Variants in CLCC1 observed in about 807,000 individuals in gnomAD.
The protein encoded by CLCC1 is chloride channel CLIC like 1.
CLCC1 carries 39 observed loss-of-function variants against 63.3 expected under a neutral mutation model. That is an observed-to-expected ratio of 0.62 (90% CI 0.48 to 0.81). CLCC1 has a LOEUF of 0.81. Ranked by LOEUF, CLCC1 falls within the 30% of genes least tolerant of loss-of-function variation. The pLI is 0.00. For synonymous variants in CLCC1, 217 were observed against 239.8 expected (o/e 0.90, Z 0.88); for missense variants, 549 against 669.4 (o/e 0.82, Z 1.98).
At chr1:108,949,561 A>T (rs1654941670) in intron 4 of CLCC1, among the ~76,000 whole-genome samples, 1 of 152,218 alleles carries the variant, frequency 6.6e-6, no homozygotes, top group Non-Finnish European at 1.5e-5. Context: ...TTGCACCAAG[A>T]AGTCTGCAGT....
intron 11 of CLCC1, among the ~76,000 whole-genome samples, chr1:108,935,301 GAACAAAATACATAA>G (rs1283086638): frequency 6.6e-6 from 1 of 152,166 alleles, no homozygotes. Flanking sequence ...GATACAGCAG[GAACAAAATACATAA>G]AACTGTTCTC....
chr1:108,936,250 AC>A (rs1410883069), intron 11 of CLCC1, among the ~76,000 whole-genome samples: 1 of 151,892 alleles, frequency 6.6e-6, no homozygotes, highest in Non-Finnish European at 1.5e-5. Flanking sequence ...ATACCACATC[AC>A]GCCTGGCTAA....
At chr1:108,943,669 A>G in intron 6 of CLCC1, 54 bp from the exon 7 acceptor site, 1 of 1,600,220 alleles carries the variant, frequency 6.2e-7, no homozygotes, top group Non-Finnish European at 8.5e-7. Context: ...AGACAGCTAA[A>G]AAGAACTGGA....
At chr1:108,962,547 T>G (rs1011503077) in intron 1 of CLCC1, 78 bp from the exon 2 acceptor site, 3 of 152,152 alleles carry the variant, frequency 2.0e-5, no homozygotes, top group Non-Finnish European at 4.4e-5. Flanking sequence ...AACCTACAGC[T>G]TATGGTGTGT....
At chr1:108,959,618 T>C (rs1467169298) in intron 2 of CLCC1, among the ~76,000 whole-genome samples, 2 of 152,232 alleles carry the variant, frequency 1.3e-5, no homozygotes, top group Admixed American at 6.5e-5. Context: ...AGCAGAGGAA[T>C]AGATGTATAG....
At position 108,944,015 on chromosome 1, in the gene CLCC1, T is replaced by C. The variant is rs2101656209; in HGVS notation, c.382A>G (p.Ile128Val). 7.4e-6 allele frequency: 12 copies of C among 1,613,014 alleles called. No individual in the cohort carries two copies. Among genetic ancestry groups the C allele is most frequent in the Non-Finnish European group, 9.3e-6 (11 of 1,179,718 alleles). Residue 128 changes from isoleucine (I) to valine (V), a missense_variant, in exon 6 of 13, where the codon ATC becomes GTC. Ile to Val is a conservative substitution (Grantham distance 29). Coordinates refer to ENST00000369969, the MANE Select transcript of CLCC1 (RefSeq NM_001377458.1). ...TCTAACAAAGTTTCTCTTTTAAGGATAATCTCAGCATCATAATGCATATCG... is the reference window on the plus strand; with the variant it reads ...TCTAACAAAGTTTCTCTTTTAAGGACAATCTCAGCATCATAATGCATATCG... ...KGDMHYDAEI[I>V]LKRETLLEIQ...
At position 108,963,288 on chromosome 1, in the gene CLCC1, T is replaced by C. The variant is rs1048495045; in HGVS notation, c.-173+73A>G. 9.5e-5 allele frequency: 64 copies of C among 675,212 alleles called. No homozygotes were observed. In the Admixed American group the frequency reaches 1.3e-3, roughly 14 times the overall value. The allele number at this position is 675,212 out of a possible 1,614,324, so 41.8% of individuals were successfully genotyped here. A position where few individuals can be genotyped will look rare whatever the true frequency, so the allele number is the denominator to read the frequency against. On this transcript the variant is annotated intron_variant, in intron 1 of 12. Transcript: ENST00000369969. Reference sequence around the variant, plus strand: ...CCCAGCGTCTGCGCCGCGAGTCCGCTGGACCCGCCAGGGCGTAACGGCGGG... The same window carrying C: ...CCCAGCGTCTGCGCCGCGAGTCCGCCGGACCCGCCAGGGCGTAACGGCGGG...
chr1:108,954,198 T>A lies in CLCC1; in HGVS notation c.-11-3750A>T, dbSNP rs933158909. Among the ~76,000 whole-genome samples, 14 of 150,508 alleles carry A rather than the reference T, an allele frequency of 9.3e-5. No individual in the cohort carries two copies. The East Asian group carries it at 2.8e-3, about 30-fold the overall frequency. On this transcript the variant is annotated intron_variant, in intron 2 of 12. Transcript: ENST00000369969. ...GTGAGAGGTAGAGGTGGGTGGGTGG[T>A]GATGACACTGCTGAGGAAAAAAGCT...
At chr1:108,951,051 T>C (rs970793436) in intron 2 of CLCC1, among the ~76,000 whole-genome samples, 3 of 152,126 alleles carry the variant, frequency 2.0e-5, no homozygotes, top group African/African-American at 7.2e-5. Flanking sequence ...ACACAAAAAC[T>C]TGTACATGAA....
At chr1:108,941,146 T>C (rs556988187) in intron 8 of CLCC1, among the ~76,000 whole-genome samples, 3 of 152,282 alleles carry the variant, frequency 2.0e-5, no homozygotes, top group Non-Finnish European at 4.4e-5. Context: ...AAAGCGAGCA[T>C]AGGATCCTTC....
Position 108,950,374 on chromosome 1 carries a change from C to G in CLCC1, c.64G>C (p.Asp22His). The G allele has an allele frequency of 6.2e-7, 1 of 1,613,132 alleles. No individual in the cohort carries two copies. Among genetic ancestry groups the G allele is most frequent in the Non-Finnish European group, 8.5e-7 (1 of 1,179,428 alleles). Residue 22 changes from aspartate (D) to histidine (H), a missense_variant, in exon 3 of 13, where the codon GAC becomes CAC. Asp to His is a moderately conservative substitution (Grantham distance 81). Coordinates refer to ENST00000369969, the MANE Select transcript of CLCC1 (RefSeq NM_001377458.1). Reference sequence around the variant, plus strand: ...AGCATGTCTGTGGGGTCAATCCAGTCATCATCATGAGCATAACCAGCTACC... The same window carrying G: ...AGCATGTCTGTGGGGTCAATCCAGTGATCATCATGAGCATAACCAGCTACC... ...LLVAGYAHDD[D>H]WIDPTDMLNY...
Position 108,937,132 on chromosome 1 carries a change from C to T in CLCC1, c.1328G>A (p.Arg443Gln), listed in dbSNP as rs758737739. ...QTGNKSPEVL[R>Q]AFDVPDAEAR... ...CTCTGCGTCTGGTACATCAAATGCC[C>T]GGAGCACTTCAGGGCTCTTGTTGCC... The change falls in exon 11 of 13, where the codon CGG becomes CAG. Residue 443 changes from arginine to glutamine, a missense_variant. Coordinates refer to ENST00000369969, the MANE Select transcript of CLCC1 (RefSeq NM_001377458.1). 2.1e-5 allele frequency: 32 copies of T among 1,541,986 alleles called. No homozygotes were observed. Among genetic ancestry groups the T allele is most frequent in the Admixed American group, 1.0e-4 (5 of 49,100 alleles).
At position 108,937,373 on chromosome 1, in the gene CLCC1, T is replaced by C. The variant is rs755798180; in HGVS notation, c.1087A>G (p.Ile363Val). Reference sequence around the variant, plus strand: ...GGAGGTTCGCTCTCAGGACCGCCTATATGTCTCAGCACATGAACTGATTTT... The same window carrying C: ...GGAGGTTCGCTCTCAGGACCGCCTACATGTCTCAGCACATGAACTGATTTT... ...AGKSVHVLRH[I>V]GGPESEPPQA... Residue 363 changes from isoleucine (I) to valine (V), a missense_variant, in exon 11 of 13, where the codon ATA (isoleucine) becomes GTA (valine). Physicochemically the swap from Ile to Val is conservative, Grantham distance 29 (BLOSUM62 3). Coordinates refer to ENST00000369969, the MANE Select transcript of CLCC1 (RefSeq NM_001377458.1). 3.7e-6 allele frequency: 6 copies of C among 1,613,622 alleles called. No individual in the cohort carries two copies. The African/African-American group carries it at 5.3e-5, about 14-fold the overall frequency.
intron 9 of CLCC1, 27 bp from the exon 10 acceptor site, chr1:108,939,809 T>C: frequency 6.2e-7 from 1 of 1,609,076 alleles, no homozygotes; most frequent in Non-Finnish European, 8.5e-7. Flanking sequence ...GCAACTTAAT[T>C]TTCTCCTCAC....
At position 108,935,764 on chromosome 1, in the gene CLCC1, AAAT is replaced by A. The variant is rs149096884; in HGVS notation, c.1384-825_1384-823del. Among the ~76,000 whole-genome samples the A allele has an allele frequency of 4.2e-3, 634 of 152,322 alleles. 9 individuals are homozygous for A. The highest frequency in any genetic ancestry group is 0.014 in the African/African-American group (598 of 41,568). ...CCACAGAGTGAGACCTTGTCTCCAA[AAAT>A]AATAAAAATGAGTAAAGGCCTGAAG... On this transcript the variant is annotated intron_variant, in intron 11 of 12. Transcript: ENST00000369969.
Position 108,931,436 on chromosome 1 carries a change from G to C in CLCC1, c.*1111C>G, listed in dbSNP as rs1651955302. The C allele has an allele frequency of 6.4e-7, 1 of 1,550,854 alleles. No homozygotes were observed. The highest frequency in any genetic ancestry group is 1.4e-5 in the African/African-American group (1 of 73,028). ...TCACAGACTGCAAAGGCCCACGCTT[G>C]GAACAAGTTGCCAACTTGTTTCACT... On this transcript the variant is annotated 3_prime_UTR_variant, in exon 13 of 13. Transcript: ENST00000369969.
At chr1:108,947,582 G>A (rs769157426) in intron 5 of CLCC1, 29 bp downstream of exon 5, 52 of 1,250,358 alleles carry the variant, frequency 4.2e-5, no homozygotes, top group Middle Eastern at 2.1e-4. Context: ...TACACTATAC[G>A]GATTAGTATC....
chr1:108,961,401 G>C (rs565873685), intron 2 of CLCC1, among the ~76,000 whole-genome samples: 2 of 151,808 alleles, frequency 1.3e-5, no homozygotes, highest in South Asian at 2.1e-4. Context: ...AGTGTTAATC[G>C]AAAGTAACCA....
rs564895706 is a variant in CLCC1 at position 108,957,079 on chromosome 1, T to C, written c.-12+5230A>G. The stretch of plus-strand genomic sequence containing the variant: ...GAAGATTATCAGGAGGTTAGGAAGA[T>C]CTGTAGTCATCCACTTCAGAGATGA... On this transcript the variant is annotated intron_variant, in intron 2 of 12. Coordinates refer to ENST00000369969, the MANE Select transcript of CLCC1 (RefSeq NM_001377458.1). 1.7e-4 allele frequency among the ~76,000 whole-genome samples: 25 copies of C among 151,438 alleles called. 2 individuals are homozygous for C. Among genetic ancestry groups the C allele is most frequent in the African/African-American group, 5.2e-4 (21 of 40,768 alleles).
Sources: gnomAD v4.1 joint callset for allele counts (sites outside exome capture counted in the v4.1 genomes callset) on GRCh38, gnomAD v4.1.1 for gene constraint, MANE v1.5 for transcripts, NCBI Gene and HGNC (gene_info 2026-07-23, HGNC 2026-07-21) for gene names.